S100Z: variants seen among roughly 807,000 people sequenced by gnomAD.
S100Z encodes S100 calcium binding protein Z, also known as protein S100-Z.
In S100Z, 11 loss-of-function variants were observed where a neutral mutation model predicts 8.5. The observed-to-expected ratio is 1.30, with a 90% CI of 0.82 to 2.15. S100Z has a LOEUF of 2.15. Ranked by LOEUF, S100Z falls within the 30% of genes most tolerant of loss-of-function variation. The pLI is 0.00. For synonymous variants in S100Z, 34 were observed against 43.8 expected, an observed-to-expected ratio of 0.78 and a Z score of 0.89; for missense variants, 126 against 117.9, an observed-to-expected ratio of 1.07 and a Z score of -0.32.
At chr5:76,916,759 C>T (rs1034015959) in intron 4 of S100Z, among the ~76,000 whole-genome samples, 6 of 152,080 alleles carry the variant, frequency 3.9e-5, no homozygotes, top group African/African-American at 1.4e-4. Flanking sequence ...GACGATATAT[C>T]AAAATTTGTA....
chr5:76,891,762 G>C (rs146712591), intron 4 of S100Z, among the ~76,000 whole-genome samples: 17 of 152,210 alleles, frequency 1.1e-4, no homozygotes, highest in African/African-American at 3.9e-4. Flanking sequence ...ATAGACAGAG[G>C]GTGCAGGGGA....
At chr5:76,919,716 C>T (rs528072351) in intron 4 of S100Z, among the ~76,000 whole-genome samples, 2 of 151,774 alleles carry the variant, frequency 1.3e-5, no homozygotes, top group Admixed American at 6.6e-5. Context: ...AAGCAATCCT[C>T]CCACCTCAGC....
At chr5:76,952,117 A>G in the S100Z span, among the ~76,000 whole-genome samples, 1 of 152,182 alleles carries the variant, frequency 6.6e-6, no homozygotes, top group South Asian at 2.1e-4. Context: ...TTCTCTCCTG[A>G]TAAGCAGAGA....
Position 76,875,418 on chromosome 5 carries a change from C to G in S100Z, c.59C>G (p.Ser20Cys). ...DTMIRIFHRYSGKERKRFKLS... is the reference protein window; with the variant it reads ...DTMIRIFHRYCGKERKRFKLS... ...ATGATTAGAATCTTCCACCGCTATTCTGGCAAGGAAAGGAAGAGATTCAAG... is the reference window on the plus strand; with the variant it reads ...ATGATTAGAATCTTCCACCGCTATTGTGGCAAGGAAAGGAAGAGATTCAAG... The change falls in exon 3 of 5, where the codon TCT becomes TGT. Residue 20 changes from serine (S) to cysteine (C), a missense_variant. Physicochemically the swap from Ser to Cys is moderately radical, Grantham distance 112 (BLOSUM62 -1). Transcript: ENST00000317593. 1 of 1,613,330 alleles carries G rather than the reference C, an allele frequency of 6.2e-7. No homozygotes were observed. Among genetic ancestry groups the G allele is most frequent in the African/African-American group, 1.3e-5 (1 of 75,006 alleles).
chr5:76,879,357 A>G (rs185003251), intron 4 of S100Z, among the ~76,000 whole-genome samples: 38 of 152,280 alleles, frequency 2.5e-4, no homozygotes, highest in Non-Finnish European at 4.4e-4. Flanking sequence ...GGGGGGAAAA[A>G]AATGACAGCT....
At chr5:76,884,322 A>G (rs1043237576) in intron 4 of S100Z, among the ~76,000 whole-genome samples, 38 of 152,254 alleles carry the variant, frequency 2.5e-4, no homozygotes, top group African/African-American at 8.7e-4. Context: ...TCGCCTAGCT[A>G]TACCTGGGGA....
At chr5:76,858,987 G>A (rs891857023) in intron 1 of S100Z, among the ~76,000 whole-genome samples, 5 of 152,078 alleles carry the variant, frequency 3.3e-5, no homozygotes, top group East Asian at 1.9e-4. Context: ...GAGAGTGCAC[G>A]CCTGTAATCC....
At chr5:76,897,963 A>G (rs952158783) in intron 4 of S100Z, among the ~76,000 whole-genome samples, 14 of 152,128 alleles carry the variant, frequency 9.2e-5, no homozygotes, top group African/African-American at 3.1e-4. Context: ...TCCAATTTGA[A>G]TGCCCTTTAT....
At chr5:76,892,683 A>AT (rs1289159057) in intron 4 of S100Z, among the ~76,000 whole-genome samples, 1 of 152,220 alleles carries the variant, frequency 6.6e-6, no homozygotes, top group Non-Finnish European at 1.5e-5. Flanking sequence ...AGGAGAATAA[A>AT]TAAAAGAGGC....
chr5:76,857,236 G>A (rs1459595975), intron 1 of S100Z, among the ~76,000 whole-genome samples: 1 of 152,038 alleles, frequency 6.6e-6, no homozygotes, highest in African/African-American at 2.4e-5. Flanking sequence ...AGGTTGCAGT[G>A]AGCCGAGATT....
chr5:76,850,647 G>A (rs1315923573), intron 1 of S100Z, among the ~76,000 whole-genome samples: 2 of 152,060 alleles, frequency 1.3e-5, no homozygotes, highest in African/African-American at 2.4e-5. Context: ...TCACAGCAGT[G>A]GTCTATGCTC....
chr5:76,866,769 T>C (rs1213423591), intron 1 of S100Z, among the ~76,000 whole-genome samples: 1 of 152,228 alleles, frequency 6.6e-6, no homozygotes, highest in African/African-American at 2.4e-5. Flanking sequence ...AAGTATACCC[T>C]ATGATGTTCA....
At chr5:76,866,373 C>T (rs757388130) in intron 1 of S100Z, among the ~76,000 whole-genome samples, 48 of 152,230 alleles carry the variant, frequency 3.2e-4, no homozygotes, top group Non-Finnish European at 1.2e-4. Flanking sequence ...ATATGAGCCA[C>T]CACACCTGGC....
chr5:76,933,523 C>G, the S100Z span, among the ~76,000 whole-genome samples: 3 of 152,162 alleles, frequency 2.0e-5, no homozygotes, highest in African/African-American at 4.8e-5. Context: ...CCAGAAGGAG[C>G]TGTCGCCTGT....
At position 76,880,499 on chromosome 5, in the gene S100Z, C is replaced by G. The variant is rs183109241; in HGVS notation, c.*2+2665C>G. Among the ~76,000 whole-genome samples the G allele has an allele frequency of 3.6e-3, 545 of 152,154 alleles. 7 individuals are homozygous for G. Among genetic ancestry groups the G allele is most frequent in the African/African-American group, 0.013 (529 of 41,492 alleles). ...GGAACCTAGAGTGGGTGAGATTAAG[C>G]TGAAGGAAGATTTTGTGGTAAGGGG... On this transcript the variant is annotated intron_variant, in intron 4 of 4. Transcript: ENST00000317593.
downstream of S100Z, among the ~76,000 whole-genome samples, chr5:76,923,013 TA>T (rs35837978): frequency 0.09 from 12,936 of 143,192 alleles, 1,806 homozygotes; most frequent in African/African-American, 0.31. Context: ...AATGCCTATG[TA>T]AAAAAAAAAA....
At chr5:76,862,124 A>AGTGTGTGTGTGTGTGTGTGTGTGT (rs374825870) in intron 1 of S100Z, among the ~76,000 whole-genome samples, 1 of 138,426 alleles carries the variant, frequency 7.2e-6, no homozygotes, top group South Asian at 2.2e-4. Flanking sequence ...AGGGATAAGG[A>AGTGTGTGTGTGTGTGTGTGTGTGT]GTGTGCGTGT....
At chr5:76,852,310 G>T (rs57847853) in intron 1 of S100Z, among the ~76,000 whole-genome samples, 26,860 of 151,362 alleles carry the variant, frequency 0.18, 4,970 homozygotes, top group African/African-American at 0.47. Context: ...TTTTTTCTTA[G>T]TCTCAATTTT....
intron 2 of S100Z, among the ~76,000 whole-genome samples, chr5:76,874,055 C>T (rs1743097801): frequency 6.6e-6 from 1 of 152,160 alleles, no homozygotes; most frequent in Non-Finnish European, 1.5e-5. Flanking sequence ...CCCCTGACAG[C>T]TCCCAACATA....
Sources: allele counts gnomAD v4.1 joint callset (sites outside exome capture counted in the v4.1 genomes callset), GRCh38; gene constraint gnomAD v4.1.1; transcripts MANE v1.5; gene names NCBI Gene and HGNC (gene_info 2026-07-23, HGNC 2026-07-21).